ZBTB1: variants seen among roughly 807,000 people sequenced by gnomAD.
The protein encoded by ZBTB1 is zinc finger and BTB domain-containing protein 1.
ZBTB1 carries 13 observed loss-of-function variants against 51.6 expected under a neutral mutation model. That is an observed-to-expected ratio of 0.25 (90% CI 0.16 to 0.40). ZBTB1 has a LOEUF of 0.40. Among genes scored for constraint, ZBTB1 ranks in the 10% least tolerant of loss-of-function variants. The pLI is 1.00. For synonymous variants in ZBTB1, 240 were observed against 282.2 expected, an observed-to-expected ratio of 0.85 and a Z score of 1.50; for missense variants, 567 against 856.5, an observed-to-expected ratio of 0.66 and a Z score of 4.22.
downstream of ZBTB1, among the ~76,000 whole-genome samples, chr14:64,528,072 T>C (rs2079916661): frequency 1.3e-5 from 2 of 152,192 alleles, no homozygotes; most frequent in Admixed American, 1.3e-4. Context: ...GACAACTTTT[T>C]CCCTGGTTAA....
chr14:64,509,958 CAG>C (rs990362487), intron 1 of ZBTB1, among the ~76,000 whole-genome samples: 14 of 146,124 alleles, frequency 9.6e-5, no homozygotes, highest in African/African-American at 3.3e-4. Flanking sequence ...GCCTGGGTGA[CAG>C]AGCGAGACTC....
downstream of ZBTB1, chr14:64,524,981 A>T (rs980341179): frequency 1.0e-6 from 1 of 960,622 alleles, no homozygotes; most frequent in African/African-American, 1.8e-5. Context: ...CTTGCAATGT[A>T]GTACCCTTTT....
At chr14:64,504,626 C>G, upstream of ZBTB1, 1 of 305,420 alleles carries the variant, frequency 3.3e-6, no homozygotes, top group Non-Finnish European at 6.0e-6. Flanking sequence ...TAGCAGCCAG[C>G]GGCAGAGTGG....
intron 1 of ZBTB1, among the ~76,000 whole-genome samples, chr14:64,520,931 A>G (rs1410927356): frequency 6.6e-6 from 1 of 151,256 alleles, no homozygotes; most frequent in African/African-American, 2.4e-5. Context: ...GGCGTGACGC[A>G]ACTCACTACA....
chr14:64,513,008 CCT>C (rs1221757727), intron 1 of ZBTB1, among the ~76,000 whole-genome samples: 4 of 152,128 alleles, frequency 2.6e-5, no homozygotes, highest in Non-Finnish European at 4.4e-5. Flanking sequence ...ACACTGTATG[CCT>C]CTGTTATTTA....
intron 1 of ZBTB1, among the ~76,000 whole-genome samples, chr14:64,517,788 T>C (rs868372109): frequency 8.1e-6 from 1 of 123,248 alleles, no homozygotes; most frequent in African/African-American, 3.0e-5. Context: ...TATATTTTTT[T>C]TTTTTTTTTT....
intron 2 of ZBTB1, chr14:64,531,778 G>C (rs533675453): frequency 1.9e-6 from 3 of 1,561,514 alleles, no homozygotes; most frequent in South Asian, 2.3e-5. Context: ...AAGAAATTCT[G>C]ATCTAAGAAT....
chr14:64,529,147 C>T (rs2079925300), downstream of ZBTB1, among the ~76,000 whole-genome samples: 1 of 152,132 alleles, frequency 6.6e-6, no homozygotes, highest in Non-Finnish European at 1.5e-5. Context: ...ATATTAAATG[C>T]TGTTATGTTT....
At chr14:64,527,234 GGAGGCCAAGGTGGGTGGATCACCT>G (rs1423228522), downstream of ZBTB1, among the ~76,000 whole-genome samples, 4 of 152,054 alleles carry the variant, frequency 2.6e-5, no homozygotes, top group African/African-American at 9.7e-5. Flanking sequence ...CAGCACCTTG[GGAGGCCAAGGTGGGTGGATCACCT>G]GAGGTCAAGA....
chr14:64,517,777 A>AT (rs1566632884), intron 1 of ZBTB1, among the ~76,000 whole-genome samples: 5 of 43,030 alleles, frequency 1.2e-4, no homozygotes, highest in African/African-American at 4.2e-4. Context: ...ATATATATAT[A>AT]TATATTTTTT....
Position 64,523,583 on chromosome 14 carries a change from A to C in ZBTB1, c.2079A>C (p.Ala693=), listed in dbSNP as rs1046237871. ...TGTATACATGTGGAATATGTGGAGCAAAATTTAATTTGAGGAAAGATATGA... is the reference window on the plus strand; with the variant it reads ...TGTATACATGTGGAATATGTGGAGCCAAATTTAATTTGAGGAAAGATATGA... ...VHLYTCGICG[A]KFNLRKDMRS... Residue 693 remains alanine, a synonymous_variant, in exon 2 of 2, where the codon GCA becomes GCC. Coordinates refer to ENST00000683701, the MANE Select transcript of ZBTB1 (RefSeq NM_001123329.2). The surrounding 1 kb of genome is among the most constrained non-coding windows in gnomAD (Gnocchi z 4.5). The C allele has an allele frequency of 1.4e-5, 21 of 1,554,046 alleles. No individual in the cohort carries two copies. The highest frequency in any genetic ancestry group is 1.8e-5 in the Non-Finnish European group (21 of 1,148,082).
At chr14:64,506,194 C>T (rs1269023235) in intron 1 of ZBTB1, among the ~76,000 whole-genome samples, 6 of 152,158 alleles carry the variant, frequency 3.9e-5, no homozygotes, top group Non-Finnish European at 7.3e-5. Context: ...TCAATAATAA[C>T]TGGATGACTT....
intron 1 of ZBTB1, among the ~76,000 whole-genome samples, chr14:64,509,781 C>T (rs1384824212): frequency 2.6e-5 from 4 of 151,352 alleles, no homozygotes; most frequent in Non-Finnish European, 5.9e-5. Flanking sequence ...ACCATCCTGG[C>T]TAACATGGTG....
chr14:64,510,961 T>C (rs929779321), intron 1 of ZBTB1, among the ~76,000 whole-genome samples: 7 of 152,048 alleles, frequency 4.6e-5, no homozygotes, highest in African/African-American at 1.4e-4. Context: ...ATGGGCAGAT[T>C]TGAGAAATAT....
intron 1 of ZBTB1, among the ~76,000 whole-genome samples, 191 bp from the exon 2 acceptor site, chr14:64,521,296 A>C (rs1322737007): frequency 1.3e-5 from 2 of 152,360 alleles, no homozygotes; most frequent in Non-Finnish European, 2.9e-5. Context: ...AGCCTGAATA[A>C]ATGGCTGGAT....
intron 1 of ZBTB1, among the ~76,000 whole-genome samples, chr14:64,519,611 A>T (rs1416978049): frequency 6.8e-6 from 1 of 147,644 alleles, no homozygotes; most frequent in Admixed American, 6.8e-5. Flanking sequence ...TAAAATATTA[A>T]AAAAAAAAAA....
upstream of ZBTB1, chr14:64,504,732 G>A (rs1423097624): frequency 2.7e-6 from 1 of 374,648 alleles, no homozygotes; most frequent in Non-Finnish European, 4.7e-6. Flanking sequence ...GCTCAGTGCG[G>A]TGCGGCAGGC....
At chr14:64,525,612 A>G (rs1039962758), downstream of ZBTB1, among the ~76,000 whole-genome samples, 12 of 152,236 alleles carry the variant, frequency 7.9e-5, no homozygotes, top group African/African-American at 2.6e-4. Context: ...GGCTTTCCCC[A>G]TTGTTAAAGA....
At position 64,522,399 on chromosome 14, in the gene ZBTB1, A is replaced by G. The variant is rs759610819; in HGVS notation, c.895A>G (p.Thr299Ala). ...GGCTGCTGATGATTCAGCTTCAACC[A>G]CTGGAAGCAGAAAAAGTAGCACAGT... is the stretch of plus-strand genomic sequence containing the variant. ...SQAADDSASTTGSRKSSTVES... is the reference protein window; with the variant it reads ...SQAADDSASTAGSRKSSTVES... The change falls in exon 2 of 2, where the codon ACT becomes GCT. Residue 299 changes from threonine (T) to alanine (A), a missense_variant. Physicochemically the swap from Thr to Ala is moderately conservative, Grantham distance 58. This residue lies in a region of ZBTB1 where 329 missense variants were observed against 406.3 expected (regional missense o/e 0.81). Transcript: ENST00000683701. 1 of 1,614,152 alleles carries G rather than the reference A, an allele frequency of 6.2e-7. No homozygotes were observed. Among genetic ancestry groups the G allele is most frequent in the Non-Finnish European group, 8.5e-7 (1 of 1,180,032 alleles).
Sources: gnomAD v4.1 joint callset for allele counts (sites outside exome capture counted in the v4.1 genomes callset) on GRCh38, gnomAD v4.1.1 for gene constraint, gnomAD v4.1.1 regional missense constraint, Gnocchi (gnomAD v3.1) non-coding constraint, MANE v1.5 for transcripts, NCBI Gene and HGNC (gene_info 2026-07-23, HGNC 2026-07-21) for gene names.